The following NAV1 variants were observed in gnomAD, a reference collection of about 807,000 sequenced individuals.
NAV1 encodes the protein pore membrane and/or filament interacting like protein 3.
Under a neutral mutation model 175.2 loss-of-function variants are expected in NAV1, and 18 were observed. The observed-to-expected ratio is 0.10, with a 90% CI of 0.07 to 0.15. The LOEUF (loss-of-function observed/expected upper bound fraction) is 0.15. Ranked by LOEUF, NAV1 falls within the 10% of genes least tolerant of loss-of-function variation. The pLI is 1.00. For synonymous variants in NAV1, 897 were observed against 978.7 expected, an observed-to-expected ratio of 0.92 and a Z score of 1.56; for missense variants, 1,731 against 2,436.6, an observed-to-expected ratio of 0.71 and a Z score of 6.10.
chr1:201,590,124 C>A (rs1404886388), intron 2 of NAV1, among the ~76,000 whole-genome samples: 1 of 152,094 alleles, frequency 6.6e-6, no homozygotes, highest in Non-Finnish European at 1.5e-5. Flanking sequence ...AACTCCTGAC[C>A]TCAAGTGGTC....
intron 2 of NAV1, among the ~76,000 whole-genome samples, chr1:201,635,996 A>G (rs2102305000): frequency 6.6e-6 from 1 of 152,304 alleles, no homozygotes; most frequent in Middle Eastern, 3.4e-3. Flanking sequence ...AGGCGGAACT[A>G]TTTGCTAAAC....
chr1:201,760,238 G>A (rs888142252), intron 3 of NAV1, among the ~76,000 whole-genome samples: 1 of 152,170 alleles, frequency 6.6e-6, no homozygotes, highest in South Asian at 2.1e-4. Context: ...GGCCCAGGCG[G>A]GTGGATCGCT....
intron 2 of NAV1, among the ~76,000 whole-genome samples, chr1:201,635,750 ATT>A (rs569844341): frequency 1.3e-5 from 2 of 152,132 alleles, no homozygotes; most frequent in African/African-American, 4.8e-5. Context: ...CTCTTAGCAG[ATT>A]TTTAGAGACT....
chr1:201,656,493 G>A (rs745915309), intron 1 of NAV1, among the ~76,000 whole-genome samples: 20 of 152,172 alleles, frequency 1.3e-4, no homozygotes, highest in Non-Finnish European at 2.9e-4. Context: ...TGGAGAGCTG[G>A]GCTCATAAAC....
chr1:201,624,383 G>A (rs892782820), intron 1 of NAV1, among the ~76,000 whole-genome samples: 3 of 116,230 alleles, frequency 2.6e-5, no homozygotes, highest in African/African-American at 3.4e-5. Context: ...TCACTCTATC[G>A]CCCAGGCTGG....
At chr1:201,760,775 T>A (rs1261528556) in intron 3 of NAV1, among the ~76,000 whole-genome samples, 1 of 152,178 alleles carries the variant, frequency 6.6e-6, no homozygotes, top group East Asian at 1.9e-4. Context: ...GGTCATTGTG[T>A]CACATAACTT....
intron 1 of NAV1, among the ~76,000 whole-genome samples, chr1:201,670,380 CA>C (rs58216500): frequency 0.077 from 932 of 12,132 alleles, 2 homozygotes; most frequent in African/African-American, 0.099. Context: ...GACTCCATCT[CA>C]AAAAAAAAAA....
At chr1:201,568,994 G>A (rs997977305) in intron 1 of NAV1, among the ~76,000 whole-genome samples, 9 of 152,106 alleles carry the variant, frequency 5.9e-5, no homozygotes, top group Non-Finnish European at 5.9e-5. Flanking sequence ...GCAAGGTGGG[G>A]CCTTCTCAGC....
intron 1 of NAV1, among the ~76,000 whole-genome samples, chr1:201,568,185 G>A (rs901899019): frequency 1.3e-5 from 2 of 152,138 alleles, no homozygotes; most frequent in African/African-American, 4.8e-5. Context: ...ACTTCCCACT[G>A]CTCCTCCAGC....
intron 1 of NAV1, among the ~76,000 whole-genome samples, chr1:201,705,109 G>GC (rs1271672927): frequency 6.6e-6 from 1 of 152,084 alleles, no homozygotes; most frequent in Non-Finnish European, 1.5e-5. Flanking sequence ...ATAAGCTACT[G>GC]CCCCTCACCC....
intron 2 of NAV1, among the ~76,000 whole-genome samples, chr1:201,603,721 G>T (rs1025301039): frequency 8.5e-5 from 13 of 152,120 alleles, no homozygotes; most frequent in Admixed American, 5.9e-4. Context: ...CATCTACCGG[G>T]TCAGTGAGGG....
chr1:201,714,135 T>G (rs1672033503), intron 2 of NAV1, among the ~76,000 whole-genome samples: 1 of 152,134 alleles, frequency 6.6e-6, no homozygotes, highest in Non-Finnish European at 1.5e-5. Flanking sequence ...AGTCTCAAAC[T>G]CCTGGCCTCA....
chr1:201,723,545 T>C (rs1672481494), intron 3 of NAV1: 1 of 152,246 alleles, frequency 6.6e-6, no homozygotes, highest in Non-Finnish European at 1.5e-5. Flanking sequence ...CTACGTTTTC[T>C]TCTGAGAGTT....
chr1:201,578,977 A>G (rs972420142), intron 1 of NAV1, among the ~76,000 whole-genome samples: 1 of 151,924 alleles, frequency 6.6e-6, no homozygotes, highest in African/African-American at 2.4e-5. Context: ...TACTAATAAT[A>G]TAAAAATTAG....
intron 1 of NAV1, among the ~76,000 whole-genome samples, chr1:201,661,777 C>T (rs1179365005): frequency 6.7e-6 from 1 of 150,252 alleles, no homozygotes; most frequent in Non-Finnish European, 1.5e-5. Flanking sequence ...CACCCTCAGC[C>T]TGTAGCCCCT....
Position 201,764,059 on chromosome 1 carries a change from G to A in NAV1, c.1227-16362G>A, listed in dbSNP as rs1675033872. On this transcript the variant is annotated intron_variant, in intron 3 of 29. Coordinates refer to ENST00000367296, the Ensembl canonical transcript of NAV1. ...ATAGCTTCTACTGTGCCTAGCAGAT[G>A]GATTCGGGTATTTAATTTTCCTATA... is the stretch of plus-strand genomic sequence containing the variant. Among the ~76,000 whole-genome samples the A allele has an allele frequency of 1.3e-5, 2 of 152,102 alleles. 1 individual carries two copies. Among genetic ancestry groups the A allele is most frequent in the Admixed American group, 1.3e-4 (2 of 15,266 alleles).
Position 201,602,662 on chromosome 1 carries a change from T to TG in NAV1, c.-33+14013_-33+14014insG, listed in dbSNP as rs1558014240. On this transcript the variant is annotated intron_variant, in intron 2 of 33. Transcript: ENST00000685211. ...GTTTTTTTTTTTTGGTTTTTTTTTT[T>TG]TTTGGTTTTTTTTTTACCATGAGCT... is the stretch of plus-strand genomic sequence containing the variant. Among the ~76,000 whole-genome samples the TG allele has an allele frequency of 7.1e-4, 92 of 128,832 alleles. 1 individual carries two copies. Among genetic ancestry groups the TG allele is most frequent in the East Asian group, 3.2e-3 (13 of 4,122 alleles). The allele number at this position is 128,832 out of a possible 152,430, so 84.5% of individuals were successfully genotyped here. A position where few individuals can be genotyped will look rare whatever the true frequency, so the allele number is the denominator to read the frequency against.
chr1:201,799,860 C>CA (rs548818131), intron 15 of NAV1, among the ~76,000 whole-genome samples: 1,910 of 77,054 alleles, frequency 0.025, 43 homozygotes, highest in African/African-American at 0.073. Context: ...AACTTCATCT[C>CA]AAAAAAAAAA....
chr1:201,550,215 A>G (rs1665814766), intron 1 of NAV1, among the ~76,000 whole-genome samples: 1 of 152,018 alleles, frequency 6.6e-6, no homozygotes, highest in Non-Finnish European at 1.5e-5. Flanking sequence ...CCTGTTGCCC[A>G]GGCTGGAGTG....
Sources: gnomAD v4.1 joint callset for allele counts (sites outside exome capture counted in the v4.1 genomes callset) on GRCh38, gnomAD v4.1.1 for gene constraint, MANE v1.5 for transcripts, NCBI Gene and HGNC (gene_info 2026-07-23, HGNC 2026-07-21) for gene names.